Variants in APOM observed in about 807,000 individuals in gnomAD.
APOM encodes the protein apolipoprotein M, also known as NG20-like protein.
Under a neutral mutation model 23.5 loss-of-function variants are expected in APOM, and 24 were observed. The observed-to-expected ratio is 1.02, with a 90% CI of 0.74 to 1.44. The LOEUF is 1.44. Ranked by LOEUF, APOM falls within the 40% of genes most tolerant of loss-of-function variation. The pLI is 0.00. For synonymous variants in APOM, 82 were observed against 84.1 expected, an observed-to-expected ratio of 0.97 and a Z score of 0.14; for missense variants, 200 against 233.2, an observed-to-expected ratio of 0.86 and a Z score of 0.93.
At chr6:31,654,616 G>A (rs769204524), upstream of APOM, among the ~76,000 whole-genome samples, 12 of 152,218 alleles carry the variant, frequency 7.9e-5, no homozygotes, top group Admixed American at 1.3e-4. Flanking sequence ...CTGGGCGACA[G>A]AGTGAGACCC....
At chr6:31,653,163 T>C (rs1298919984), upstream of APOM, among the ~76,000 whole-genome samples, 3 of 152,278 alleles carry the variant, frequency 2.0e-5, no homozygotes, top group South Asian at 2.1e-4. Flanking sequence ...GTAAACGTGC[T>C]ACTAAGTTGC....
At position 31,658,051 on chromosome 6, in the gene APOM, C is replaced by A. The variant is rs1362666561; in HGVS notation, c.542-13C>A. ...TTCCCTTCTGTCCTTCTTTTTCCCT[C>A]CCCCCATCACAGAGGCCTGTGAGCT... On this transcript the variant is annotated splice_polypyrimidine_tract_variant and intron_variant, in intron 5 of 5. Coordinates refer to ENST00000375916, the MANE Select transcript of APOM (RefSeq NM_019101.3). The A allele has an allele frequency of 6.2e-7, 1 of 1,613,790 alleles. No homozygotes were observed. Among genetic ancestry groups the A allele is most frequent in the Non-Finnish European group, 8.5e-7 (1 of 1,179,758 alleles).
upstream of APOM, among the ~76,000 whole-genome samples, chr6:31,654,325 TTTTG>T (rs372650963): frequency 1.1e-4 from 17 of 151,776 alleles, no homozygotes; most frequent in Admixed American, 2.6e-4. Flanking sequence ...GTCACCCAAA[TTTTG>T]TTTGTTTTTT....
chr6:31,653,346 G>A (rs1440889912), upstream of APOM, among the ~76,000 whole-genome samples: 1 of 152,158 alleles, frequency 6.6e-6, no homozygotes, highest in East Asian at 1.9e-4. Context: ...CTCTTAACCT[G>A]CCCTGGGCCA....
chr6:31,656,844 G>C (rs1424730835), intron 2 of APOM, among the ~76,000 whole-genome samples: 1 of 152,200 alleles, frequency 6.6e-6, no homozygotes, highest in African/African-American at 2.4e-5. Context: ...AAATACAATG[G>C]AGTAAATAGA....
In APOM at chr6:31,658,050, T is replaced by TC; in HGVS notation, c.542-8dup. On this transcript the variant is annotated splice_polypyrimidine_tract_variant and intron_variant, in intron 5 of 5. Coordinates refer to ENST00000375916, the MANE Select transcript of APOM (RefSeq NM_019101.3). Reference sequence around the variant, plus strand: ...CTTCCCTTCTGTCCTTCTTTTTCCCTCCCCCCATCACAGAGGCCTGTGAGC... The same window carrying TC: ...CTTCCCTTCTGTCCTTCTTTTTCCCTCCCCCCCATCACAGAGGCCTGTGAGC... 1 of 1,613,846 alleles carries TC rather than the reference T, an allele frequency of 6.2e-7. No individual in the cohort carries two copies.
Position 31,656,032 on chromosome 6 carries a change from G to C in APOM, c.66G>C (p.Gln22His). The C allele has an allele frequency of 6.3e-7, 1 of 1,592,276 alleles. No individual in the cohort carries two copies. Among genetic ancestry groups the C allele is most frequent in the East Asian group, 2.3e-5 (1 of 44,322 alleles). ...FYGIILNSIY[Q>H]CPEHSQLTTL... ...GTATTATCCTTAACTCCATCTACCA[G>C]TGCCCTGAGCACAGTCAACTGACAA... Residue 22 changes from glutamine (Q) to histidine (H), a missense_variant, in exon 1 of 6, where the codon CAG (glutamine) becomes CAC (histidine). Gln to His is a conservative substitution (Grantham distance 24). Transcript: ENST00000375916.
At chr6:31,653,095 C>T (rs1387263793), upstream of APOM, among the ~76,000 whole-genome samples, 1 of 152,154 alleles carries the variant, frequency 6.6e-6, no homozygotes, top group African/African-American at 2.4e-5. Context: ...GTTTTAAGGG[C>T]TGTGGGCGTC....
chr6:31,658,056 C>A lies in APOM; in HGVS notation c.542-8C>A. 6.2e-7 allele frequency: 1 copy of A among 1,614,100 alleles called. No individual in the cohort carries two copies. Reference sequence around the variant, plus strand: ...TTCTGTCCTTCTTTTTCCCTCCCCCCATCACAGAGGCCTGTGAGCTGTCCA... The same window carrying A: ...TTCTGTCCTTCTTTTTCCCTCCCCCAATCACAGAGGCCTGTGAGCTGTCCA... On this transcript the variant is annotated splice_polypyrimidine_tract_variant and splice_region_variant and intron_variant, in intron 5 of 5. Coordinates refer to ENST00000375916, the MANE Select transcript of APOM (RefSeq NM_019101.3).
At chr6:31,653,926 T>C (rs1191195925), upstream of APOM, among the ~76,000 whole-genome samples, 1 of 152,156 alleles carries the variant, frequency 6.6e-6, no homozygotes, top group Non-Finnish European at 1.5e-5. Context: ...GCTGGGATTA[T>C]AGGTGTGAGC....
At chr6:31,655,792 G>A (rs1427051068), upstream of APOM, 1 of 584,918 alleles carries the variant, frequency 1.7e-6, no homozygotes, top group Non-Finnish European at 3.1e-6. Flanking sequence ...GGGGGAGGAA[G>A]TCCCAAACAC....
chr6:31,656,652 C>T (rs760214741), intron 2 of APOM, 26 bp downstream of exon 2: 2 of 1,608,360 alleles, frequency 1.2e-6, no homozygotes, highest in East Asian at 4.5e-5. Context: ...GCAGAAGCAT[C>T]ACTGGGTTCA....
At position 31,657,299 on chromosome 6, in the gene APOM, G is replaced by T. The variant is rs745413531; in HGVS notation, c.343+1G>T. The T allele has an allele frequency of 1.9e-6, 3 of 1,612,960 alleles. No individual in the cohort carries two copies. The highest frequency in any genetic ancestry group is 2.5e-6 in the Non-Finnish European group (3 of 1,180,050). ...GGGAGCACAGATCTCAGAACTGAAG[G>T]TTGGTTCTTCCCAGCCCTCACCCTC... is the stretch of plus-strand genomic sequence containing the variant. On this transcript the variant is annotated splice_donor_variant, in intron 3 of 5. Transcript: ENST00000375916. LOFTEE classifies it high-confidence loss of function.
upstream of APOM, among the ~76,000 whole-genome samples, chr6:31,653,731 G>A (rs1262616600): frequency 6.6e-6 from 1 of 152,114 alleles, no homozygotes; most frequent in Non-Finnish European, 1.5e-5. Context: ...GCCCAGGCTG[G>A]AGTGCAGTGG....
At chr6:31,655,153 C>T (rs951637871), upstream of APOM, among the ~76,000 whole-genome samples, 41 of 152,180 alleles carry the variant, frequency 2.7e-4, no homozygotes, top group Admixed American at 2.4e-3. Context: ...GTAGCCCAGG[C>T]TGGTTTTGAA....
At chr6:31,653,161 GCTA>G (rs768727669), upstream of APOM, among the ~76,000 whole-genome samples, 21 of 152,162 alleles carry the variant, frequency 1.4e-4, no homozygotes, top group Non-Finnish European at 2.9e-4. Flanking sequence ...AAGTAAACGT[GCTA>G]CTAAGTTGCA....
upstream of APOM, among the ~76,000 whole-genome samples, chr6:31,653,333 C>CT (rs1799170636): frequency 6.6e-6 from 1 of 152,210 alleles, no homozygotes; most frequent in Non-Finnish European, 1.5e-5. Context: ...TCCGTGCCCT[C>CT]TTCTCTTAAC....
At chr6:31,657,796 T>C (rs1800296816) in intron 5 of APOM, 73 bp downstream of exon 5, 1 of 1,334,154 alleles carries the variant, frequency 7.5e-7, no homozygotes, top group East Asian at 2.3e-5. Flanking sequence ...TGAAAGAGGC[T>C]CGTGTGATGT....
At chr6:31,653,998 C>T (rs1010458472), upstream of APOM, among the ~76,000 whole-genome samples, 8 of 152,068 alleles carry the variant, frequency 5.3e-5, no homozygotes, top group South Asian at 2.1e-4. Flanking sequence ...CGCAGTGACT[C>T]ACACTTGGGA....
Sources: allele counts gnomAD v4.1 joint callset (sites outside exome capture counted in the v4.1 genomes callset), GRCh38; gene constraint gnomAD v4.1.1; transcripts MANE v1.5; gene names NCBI Gene and HGNC (gene_info 2026-07-23, HGNC 2026-07-21).